The following PLEKHM3 variants were observed in gnomAD, a reference collection of about 807,000 sequenced individuals.
PLEKHM3 encodes pleckstrin homology domain containing M3, also known as pleckstrin homology domain-containing family M member 3.
Under a neutral mutation model 81.8 loss-of-function variants are expected in PLEKHM3, and 45 were observed. The observed-to-expected ratio is 0.55, with a 90% CI of 0.43 to 0.71. PLEKHM3 has a LOEUF of 0.71. PLEKHM3 is among the 30% of genes least tolerant of loss of function. PLEKHM3 has a pLI of 0.00. For missense variants in PLEKHM3, 788 were observed against 924.3 expected (o/e 0.85, Z 1.91); for synonymous variants, 352 against 356.4 (o/e 0.99, Z 0.14).
chr2:207,872,759 G>A (rs1001826821), intron 6 of PLEKHM3, among the ~76,000 whole-genome samples: 1 of 152,134 alleles, frequency 6.6e-6, no homozygotes, highest in African/African-American at 2.4e-5. Flanking sequence ...CCCGGGAGGC[G>A]GAGGTTGCAG....
intron 6 of PLEKHM3, among the ~76,000 whole-genome samples, chr2:207,907,042 T>C (rs1321532892): frequency 1.3e-5 from 2 of 152,152 alleles, no homozygotes; most frequent in East Asian, 3.8e-4. Flanking sequence ...ACAATTATTA[T>C]TATTATTTAA....
At chr2:207,912,937 A>G (rs1422422631) in intron 5 of PLEKHM3, among the ~76,000 whole-genome samples, 13 of 152,156 alleles carry the variant, frequency 8.5e-5, no homozygotes, top group Admixed American at 8.5e-4. Flanking sequence ...TGGACCTAAA[A>G]GCCAAGCTCA....
Position 207,865,801 on chromosome 2 carries a change from A to AAAAAAAAAATATATATAT in PLEKHM3, c.1951-4540_1951-4539insATATATATATTTTTTTTT. 1.2e-4 allele frequency among the ~76,000 whole-genome samples: 3 copies of AAAAAAAAAATATATATAT among 25,286 alleles called. 1 individual carries two copies. Among genetic ancestry groups the AAAAAAAAAATATATATAT allele is most frequent in the Admixed American group, 6.7e-4 (2 of 2,998 alleles). 16.6% of individuals were successfully genotyped at this position (25,286 alleles called of 152,430 possible). ...CGACTCAAAAAAAAAAAAAAAAAAA[A>AAAAAAAAAATATATATAT]AGATATATATATATATATATATATA... On this transcript the variant is annotated intron_variant, in intron 6 of 7. Coordinates refer to ENST00000427836, the MANE Select transcript of PLEKHM3 (RefSeq NM_001080475.3).
chr2:208,003,976 C>G (rs947759554), intron 1 of PLEKHM3, among the ~76,000 whole-genome samples: 1 of 152,146 alleles, frequency 6.6e-6, no homozygotes, highest in African/African-American at 2.4e-5. Context: ...CTTTTCTCAT[C>G]CAGTGTTTCA....
At chr2:207,872,944 C>A (rs754260581) in intron 6 of PLEKHM3, among the ~76,000 whole-genome samples, 3 of 152,102 alleles carry the variant, frequency 2.0e-5, no homozygotes, top group Non-Finnish European at 4.4e-5. Flanking sequence ...CAAAGCAACT[C>A]CCTGTATGTA....
At position 207,865,799 on chromosome 2, in the gene PLEKHM3, A is replaced by AT. The variant is rs1227503454; in HGVS notation, c.1951-4538_1951-4537insA. 1.1e-3 allele frequency among the ~76,000 whole-genome samples: 39 copies of AT among 35,090 alleles called. 2 individuals are homozygous for AT. Among genetic ancestry groups the AT allele is most frequent in the African/African-American group, 7.0e-3 (39 of 5,550 alleles). 23.0% of individuals were successfully genotyped at this position (35,090 alleles called of 152,430 possible). On this transcript the variant is annotated intron_variant, in intron 6 of 7. Coordinates refer to ENST00000427836, the MANE Select transcript of PLEKHM3 (RefSeq NM_001080475.3). ...TCCGACTCAAAAAAAAAAAAAAAAA[A>AT]AAAGATATATATATATATATATATA... is the stretch of plus-strand genomic sequence containing the variant.
rs56352112 is a variant in PLEKHM3 at position 207,913,932 on chromosome 2, A to AAC, written c.1887-5357_1887-5356dup. On this transcript the variant is annotated intron_variant, in intron 5 of 7. Coordinates refer to ENST00000427836, the MANE Select transcript of PLEKHM3 (RefSeq NM_001080475.3). Reference sequence around the variant, plus strand: ...GCACATGTGTATGTGCGTGCATGAAAACACACACACACACACTCCCCTGAC... The same window carrying AAC: ...GCACATGTGTATGTGCGTGCATGAAAACACACACACACACACACTCCCCTGAC... Among the ~76,000 whole-genome samples the AAC allele has an allele frequency of 1.4e-4, 21 of 151,326 alleles. No homozygotes were observed. In the East Asian group the frequency reaches 1.6e-3, roughly 11 times the overall value.
intron 5 of PLEKHM3, among the ~76,000 whole-genome samples, chr2:207,929,228 C>A (rs561381718): frequency 6.6e-6 from 1 of 152,214 alleles, no homozygotes; most frequent in South Asian, 2.1e-4. Context: ...TCTAGAACTC[C>A]CATTTCTTTC....
chr2:207,972,586 C>CAAA (rs35602924), intron 3 of PLEKHM3, among the ~76,000 whole-genome samples: 3 of 59,598 alleles, frequency 5.0e-5, no homozygotes, highest in South Asian at 5.7e-4. Context: ...GACTCCGTCT[C>CAAA]AAAAAAAAAA....
chr2:207,958,892 AGAGT>A (rs1393085679), intron 3 of PLEKHM3, among the ~76,000 whole-genome samples: 1 of 152,142 alleles, frequency 6.6e-6, no homozygotes, highest in Non-Finnish European at 1.5e-5. Context: ...CCTGGGCAAC[AGAGT>A]GAGTGAGACT....
chr2:207,958,578 C>T (rs1690608598), intron 3 of PLEKHM3, among the ~76,000 whole-genome samples: 1 of 152,166 alleles, frequency 6.6e-6, no homozygotes, highest in Non-Finnish European at 1.5e-5. Flanking sequence ...GGCTGGGCTA[C>T]TTGAAGCACT....
rs542944750 is a variant in PLEKHM3, at chr2:208,016,181, G to A, written c.-319+9208C>T. 3.3e-5 allele frequency among the ~76,000 whole-genome samples: 5 copies of A among 152,230 alleles called. No homozygotes were observed. The East Asian group carries it at 9.7e-4, about 29-fold the overall frequency. ...TGCACTCCAGCCTGGGCGACAGAGA[G>A]AGACTCCATCTCAAATAAATAAATA... On this transcript the variant is annotated intron_variant, in intron 1 of 7. Transcript: ENST00000427836.
At chr2:207,837,631 C>CCTTT (rs1412856951) in intron 7 of PLEKHM3, among the ~76,000 whole-genome samples, 1 of 63,232 alleles carries the variant, frequency 1.6e-5, no homozygotes, top group Non-Finnish European at 3.2e-5. Flanking sequence ...AATAGTTCTC[C>CCTTT]CTTTTTTTTT....
Position 208,001,357 on chromosome 2 carries a change from A to T in PLEKHM3, c.283T>A (p.Phe95Ile), listed in dbSNP as rs372760618. Residue 95 changes from phenylalanine to isoleucine, a missense_variant, in exon 2 of 8, where the codon TTT becomes ATT. Phe to Ile is a conservative substitution (Grantham distance 21, BLOSUM62 0). Transcript: ENST00000427836. ...AQNVFPAKEQ[F>I]MVQRGTTPDN... ...GGGGTTGTCCCTCTCTGGACCATAA[A>T]CTGTTCTTTGGCAGGGAAGACATTT... 69 of 1,614,146 alleles carry T rather than the reference A, an allele frequency of 4.3e-5. No individual in the cohort carries two copies. Among genetic ancestry groups the T allele is most frequent in the Non-Finnish European group, 5.7e-5 (67 of 1,180,018 alleles).
chr2:207,947,656 G>A (rs1690179699), intron 3 of PLEKHM3, among the ~76,000 whole-genome samples: 2 of 150,430 alleles, frequency 1.3e-5, no homozygotes, highest in African/African-American at 2.4e-5. Flanking sequence ...AAGAGATCTC[G>A]CACTAAGCCT....
Position 207,825,458 on chromosome 2 carries a change from G to A in PLEKHM3, c.*2861C>T, listed in dbSNP as rs1458721738. 5 of 152,238 alleles carry A rather than the reference G, an allele frequency of 3.3e-5. No individual in the cohort carries two copies. Among genetic ancestry groups the A allele is most frequent in the Non-Finnish European group, 7.3e-5 (5 of 68,042 alleles). The allele number at this position is 152,238 out of a possible 1,614,324, so 9.4% of individuals were successfully genotyped here. A position where few individuals can be genotyped will look rare whatever the true frequency, so the allele number is the denominator to read the frequency against. Reference sequence around the variant, plus strand: ...GGAACACGAGGAAAAGCAGGTATTAGTTTGGTCTGAAAGAGGTGGTAATCC... The same window carrying A: ...GGAACACGAGGAAAAGCAGGTATTAATTTGGTCTGAAAGAGGTGGTAATCC... On this transcript the variant is annotated 3_prime_UTR_variant, in exon 8 of 8. Transcript: ENST00000427836.
chr2:207,947,944 C>T (rs1559251159), intron 3 of PLEKHM3, among the ~76,000 whole-genome samples: 1 of 152,170 alleles, frequency 6.6e-6, no homozygotes, highest in African/African-American at 2.4e-5. Flanking sequence ...CCAGTGCATC[C>T]TCTAGAAAGA....
chr2:207,959,470 T>C (rs1053234986), intron 3 of PLEKHM3, among the ~76,000 whole-genome samples: 2 of 152,234 alleles, frequency 1.3e-5, no homozygotes, highest in African/African-American at 4.8e-5. Flanking sequence ...TTCTCCCAGC[T>C]TGGATTTATT....
chr2:207,873,357 G>A (rs1029307467), intron 6 of PLEKHM3, among the ~76,000 whole-genome samples: 10 of 152,074 alleles, frequency 6.6e-5, no homozygotes, highest in Non-Finnish European at 1.2e-4. Flanking sequence ...ACTTCTCCAT[G>A]CCTCAGTTTC....
Sources: gnomAD v4.1 joint callset for allele counts (sites outside exome capture counted in the v4.1 genomes callset) on GRCh38, gnomAD v4.1.1 for gene constraint, MANE v1.5 for transcripts, NCBI Gene and HGNC (gene_info 2026-07-23, HGNC 2026-07-21) for gene names.